The following MUC5AC variants were observed in gnomAD, a reference collection of about 807,000 sequenced individuals.
The protein encoded by MUC5AC is mucin 5AC, oligomeric mucus/gel-forming.
A neutral mutation model predicts 169.7 loss-of-function variants in MUC5AC; 158 were observed. The ratio of observed to expected loss-of-function variants is 0.93; its 90% confidence interval spans 0.82 to 1.06. The LOEUF is 1.06. MUC5AC is among the 50% of genes least tolerant of loss of function. MUC5AC has a pLI of 0.00. For missense variants in MUC5AC, 4,359 were observed against 3,089.9 expected (o/e 1.41, Z -9.74); for synonymous variants, 1,975 against 1,237.0 (o/e 1.60, Z -12.52).
rs751994634 is a variant in MUC5AC at position 1,195,049 on chromosome 11, G to A, written c.15228G>A (p.Thr5076=). ...CTNDRKDECR[T]PRGTVVASCS... Reference sequence around the variant, plus strand: ...ACGACAGGAAGGATGAGTGCCGCACGCCTAGGGGGACGGTGGTCGCTTCCT... The same window carrying A: ...ACGACAGGAAGGATGAGTGCCGCACACCTAGGGGGACGGTGGTCGCTTCCT... The change falls in exon 36 of 49, where the codon ACG becomes ACA. Residue 5076 remains threonine, a synonymous_variant. Coordinates refer to ENST00000621226, the MANE Select transcript of MUC5AC (RefSeq NM_001304359.2). 25 of 751,382 alleles carry A rather than the reference G, an allele frequency of 3.3e-5. No individual in the cohort carries two copies. The highest frequency in any genetic ancestry group is 4.5e-4 in the Middle Eastern group (2 of 4,444). 46.5% of individuals were successfully genotyped at this position (751,382 alleles called of 1,614,324 possible). A position where few individuals can be genotyped will look rare whatever the true frequency, so the allele number is the denominator to read the frequency against.
Position 1,189,122 on chromosome 11 carries a change from G to T in MUC5AC, c.10977G>T (p.Leu3659Phe), listed in dbSNP as rs1861021131. The T allele has an allele frequency of 3.4e-6, 2 of 590,862 alleles. No individual in the cohort carries two copies. Among genetic ancestry groups the T allele is most frequent in the Non-Finnish European group, 6.0e-6 (2 of 331,606 alleles). 36.6% of individuals were successfully genotyped at this position (590,862 alleles called of 1,614,324 possible). Residue 3659 changes from leucine to phenylalanine, a missense_variant, in exon 31 of 49, where the codon TTG (leucine) becomes TTT (phenylalanine). Coordinates refer to ENST00000621226, the MANE Select transcript of MUC5AC (RefSeq NM_001304359.2). ...SSWQKSRTTT[L>F]VTSSITSTTQ... is the part of the protein sequence containing the mutation. ...GGCAGAAATCCAGGACAACCACTTTGGTGACAAGCAGCATAACCTCCACTA... is the reference window on the plus strand; with the variant it reads ...GGCAGAAATCCAGGACAACCACTTTTGTGACAAGCAGCATAACCTCCACTA...
chr11:1,196,897 G>C lies in MUC5AC; in HGVS notation c.15850G>C (p.Glu5284Gln). ...TCCAGGGTGTCTGGGGCCCCACGGA[G>C]AGCCGGTGAAGGTGAGTGGAAGGCA... The part of the protein sequence containing the change: ...GCPRCLGPHG[E>Q]PVKVGHTVGM... The change falls in exon 40 of 49, where the codon GAG becomes CAG. Residue 5284 changes from glutamate to glutamine, a missense_variant. Coordinates refer to ENST00000621226, the MANE Select transcript of MUC5AC (RefSeq NM_001304359.2). The C allele has an allele frequency of 1.3e-6, 1 of 763,620 alleles. No homozygotes were observed. Among genetic ancestry groups the C allele is most frequent in the South Asian group, 1.3e-5 (1 of 74,134 alleles). 47.3% of individuals were successfully genotyped at this position (763,620 alleles called of 1,614,324 possible).
chr11:1,182,103 G>A (rs1052817540), intron 30 of MUC5AC, 52 bp from the exon 31 acceptor site: 11 of 393,528 alleles, frequency 2.8e-5, no homozygotes, highest in Admixed American at 1.3e-4. Flanking sequence ...AGGGGCGGGC[G>A]GCCCCCAAGT....
intron 30 of MUC5AC, among the ~76,000 whole-genome samples, chr11:1,181,716 C>T (rs1031366610): frequency 1.1e-4 from 16 of 152,246 alleles, no homozygotes; most frequent in Middle Eastern, 3.4e-3. Context: ...CAGCAGCCCC[C>T]GGGCCTGGCC....
chr11:1,168,015 C>G (rs983800462), intron 12 of MUC5AC, 28 bp downstream of exon 12: 7 of 1,531,732 alleles, frequency 4.6e-6, no homozygotes, highest in African/African-American at 1.4e-5. Flanking sequence ...GGGCAAACCC[C>G]GGGAAGAGGG....
In MUC5AC at chr11:1,186,735, C is replaced by T. The variant is rs1860956917; in HGVS notation, c.8590C>T (p.Pro2864Ser). 5.5e-6 allele frequency: 4 copies of T among 730,446 alleles called. No individual in the cohort carries two copies. In the South Asian group the frequency reaches 5.7e-5, roughly 10 times the overall value. 45.2% of individuals were successfully genotyped at this position (730,446 alleles called of 1,614,324 possible). A position where few individuals can be genotyped will look rare whatever the true frequency, so the allele number is the denominator to read the frequency against. ...SAPTTRTTSV[P>S]TSSTTSTATT... ...CCCTACAACCAGAACAACCTCTGTC[C>T]CTACAAGCAGCACAACCTCCACTGC... is the stretch of plus-strand genomic sequence containing the variant. The change falls in exon 31 of 49, where the codon CCT (proline) becomes TCT (serine). Residue 2864 changes from proline to serine, a missense_variant. Transcript: ENST00000621226.
At chr11:1,196,110 G>A (rs904703404) in intron 37 of MUC5AC, 56 bp downstream of exon 37, 21 of 714,328 alleles carry the variant, frequency 2.9e-5, no homozygotes, top group East Asian at 5.1e-5. Context: ...GCACAGGCAC[G>A]CCGGACGGAC....
intron 5 of MUC5AC, 64 bp from the exon 6 acceptor site, chr11:1,162,891 C>T: frequency 6.7e-7 from 1 of 1,496,560 alleles, no homozygotes; most frequent in African/African-American, 1.4e-5. Flanking sequence ...AAATCTCAGG[C>T]TCGAGCCTCA....
chr11:1,198,982 A>T lies in MUC5AC; in HGVS notation c.16282A>T (p.Thr5428Ser). ...VVSCETQICN[T>S]HCPVGFEYQE... ...CAGCTGTGAGACCCAGATCTGCAACACACACTGCCCTGTGGTGAGCGCTCC... is the reference window on the plus strand; with the variant it reads ...CAGCTGTGAGACCCAGATCTGCAACTCACACTGCCCTGTGGTGAGCGCTCC... Residue 5428 changes from threonine (T) to serine (S), a missense_variant, in exon 44 of 49, where the codon ACA (threonine) becomes TCA (serine). Thr to Ser is a moderately conservative substitution (Grantham distance 58). Coordinates refer to ENST00000621226, the MANE Select transcript of MUC5AC (RefSeq NM_001304359.2). 1 of 764,142 alleles carries T rather than the reference A, an allele frequency of 1.3e-6. No individual in the cohort carries two copies. The highest frequency in any genetic ancestry group is 1.3e-5 in the South Asian group (1 of 74,456). 47.3% of individuals were successfully genotyped at this position (764,142 alleles called of 1,614,324 possible).
chr11:1,163,878 G>A lies in MUC5AC; in HGVS notation c.680-4G>A, dbSNP rs746788656. 1.2e-6 allele frequency: 2 copies of A among 1,600,458 alleles called. No homozygotes were observed. The highest frequency in any genetic ancestry group is 1.1e-5 in the South Asian group (1 of 88,886). ...GGCAGAGCCCGCCTCTGTGCTTGCC[G>A]CAGACACCAAGCTGACACCCATGGA... On this transcript the variant is annotated splice_polypyrimidine_tract_variant and splice_region_variant and intron_variant, in intron 6 of 48. Coordinates refer to ENST00000621226, the MANE Select transcript of MUC5AC (RefSeq NM_001304359.2).
chr11:1,195,896 C>A lies in MUC5AC; in HGVS notation c.15479C>A (p.Thr5160Asn), dbSNP rs756568941. Residue 5160 changes from threonine to asparagine, a missense_variant, in exon 37 of 49, where the codon ACT (threonine) becomes AAT (asparagine). Physicochemically the swap from Thr to Asn is moderately conservative, Grantham distance 65. Transcript: ENST00000621226. ...ILSKVFEPCHTVIPPLLFYEG... is the reference protein window; with the variant it reads ...ILSKVFEPCHNVIPPLLFYEG... ...CACAGGGTCTTTGAGCCGTGCCACACTGTGATCCCCCCACTGCTGTTCTAT... is the reference window on the plus strand; with the variant it reads ...CACAGGGTCTTTGAGCCGTGCCACAATGTGATCCCCCCACTGCTGTTCTAT... The A allele has an allele frequency of 6.5e-6, 5 of 764,658 alleles. No homozygotes were observed. The South Asian group carries it at 6.7e-5, about 10-fold the overall frequency. The allele number at this position is 764,658 out of a possible 1,614,324, so 47.4% of individuals were successfully genotyped here. A position where few individuals can be genotyped will look rare whatever the true frequency, so the allele number is the denominator to read the frequency against.
At chr11:1,173,606 CACTCATCCACTCATT>C (rs1203086273) in intron 16 of MUC5AC, among the ~76,000 whole-genome samples, 1 of 150,998 alleles carries the variant, frequency 6.6e-6, no homozygotes, top group Non-Finnish European at 1.5e-5. Flanking sequence ...TCCACTCACT[CACTCATCCACTCATT>C]ACTCATCCAC....
At position 1,161,981 on chromosome 11, in the gene MUC5AC, G is replaced by C. The variant is rs778621247; in HGVS notation, c.286G>C (p.Val96Leu). 6.2e-7 allele frequency: 1 copy of C among 1,612,412 alleles called. No homozygotes were observed. Among genetic ancestry groups the C allele is most frequent in the South Asian group, 1.1e-5 (1 of 91,004 alleles). The change falls in exon 4 of 49, where the codon GTC (valine) becomes CTC (leucine). Residue 96 changes from valine to leucine, a missense_variant. Val to Leu is a conservative substitution (Grantham distance 32, BLOSUM62 1). Coordinates refer to ENST00000621226, the MANE Select transcript of MUC5AC (RefSeq NM_001304359.2). ...CCACTACAAGACCTTCGACGGCGACGTCTTCCGCTTCCCCGGCCTCTGCAA... is the reference window on the plus strand; with the variant it reads ...CCACTACAAGACCTTCGACGGCGACCTCTTCCGCTTCCCCGGCCTCTGCAA... Reference protein sequence around the residue: ...SFHYKTFDGDVFRFPGLCNYV... With the variant: ...SFHYKTFDGDLFRFPGLCNYV...
At chr11:1,170,582 T>TCACCTACTC (rs1590138648) in intron 15 of MUC5AC, among the ~76,000 whole-genome samples, 2 of 22,490 alleles carry the variant, frequency 8.9e-5, no homozygotes, top group African/African-American at 1.9e-4. Context: ...CCCACTCACC[T>TCACCTACTC]ACTCACTCAC....
chr11:1,186,190 C>T lies in MUC5AC; in HGVS notation c.8045C>T (p.Thr2682Ile). The change falls in exon 31 of 49, where the codon ACC becomes ATC. Residue 2682 changes from threonine (T) to isoleucine (I), a missense_variant. Transcript: ENST00000621226. ...PTTSTTSAST[T>I]STTSASTTST... ...ACCAGCACAACTTCTGCTTCTACAACCAGCACAACCTCTGCTTCTACAACC... is the reference window on the plus strand; with the variant it reads ...ACCAGCACAACTTCTGCTTCTACAATCAGCACAACCTCTGCTTCTACAACC... 2.7e-6 allele frequency: 2 copies of T among 749,874 alleles called. No individual in the cohort carries two copies. The highest frequency in any genetic ancestry group is 1.4e-5 in the South Asian group (1 of 72,692). The allele number at this position is 749,874 out of a possible 1,614,324, so 46.5% of individuals were successfully genotyped here.
At chr11:1,175,670 T>TTA (rs1860658443) in intron 19 of MUC5AC, among the ~76,000 whole-genome samples, 2 of 47,738 alleles carry the variant, frequency 4.2e-5, no homozygotes, top group South Asian at 7.2e-4. Context: ...ACACACGCAC[T>TTA]CACACCCACT....
intron 24 of MUC5AC, among the ~76,000 whole-genome samples, chr11:1,178,169 G>T (rs1860730728): frequency 6.6e-6 from 1 of 152,266 alleles, no homozygotes; most frequent in Admixed American, 6.5e-5. Context: ...GACTTAGGCG[G>T]GTCCTTCGAG....
chr11:1,197,402 G>A (rs56353594), intron 40 of MUC5AC, 66 bp from the exon 41 acceptor site: 8 of 686,918 alleles, frequency 1.2e-5, no homozygotes, highest in South Asian at 4.5e-5. Flanking sequence ...TGCATGAGCC[G>A]GGGTGGCTGC....
At position 1,163,940 on chromosome 11, in the gene MUC5AC, C is replaced by G. The variant is rs56085138; in HGVS notation, c.738C>G (p.Asp246Glu). Residue 246 changes from aspartate to glutamate, a missense_variant, in exon 7 of 49, where the codon GAC becomes GAG. Asp to Glu is a conservative substitution (Grantham distance 45). Coordinates refer to ENST00000621226, the MANE Select transcript of MUC5AC (RefSeq NM_001304359.2). Reference sequence around the variant, plus strand: ...TGCAGAAGATGGACGACCCCACGGACCAGTGTCAGGACCCTGTCCCTGAAC... The same window carrying G: ...TGCAGAAGATGGACGACCCCACGGAGCAGTGTCAGGACCCTGTCCCTGAAC... The part of the protein sequence containing the change: ...GNLQKMDDPT[D>E]QCQDPVPEPP... 1,608,567 of 1,611,542 alleles carry G rather than the reference C, an allele frequency of 1. 802,842 individuals are homozygous for G. Among genetic ancestry groups the G allele is most frequent in the East Asian group, 1 (44,818 of 44,818 alleles).
Sources: allele counts gnomAD v4.1 joint callset (sites outside exome capture counted in the v4.1 genomes callset), GRCh38; gene constraint gnomAD v4.1.1; transcripts MANE v1.5; gene names NCBI Gene and HGNC (gene_info 2026-07-23, HGNC 2026-07-21).